Variants in PARD3B observed in about 807,000 individuals in gnomAD.
PARD3B encodes the protein partitioning defective 3 homolog B.
In PARD3B, 103 loss-of-function variants were observed where a neutral mutation model predicts 130.2. That is an observed-to-expected ratio of 0.79 (90% CI 0.67 to 0.93). PARD3B has a LOEUF of 0.93. Ranked by LOEUF, PARD3B falls within the 40% of genes least tolerant of loss-of-function variation. PARD3B has a pLI of 0.00. For missense variants in PARD3B, 1,609 were observed against 1,499.2 expected, an observed-to-expected ratio of 1.07 and a Z score of -1.21; for synonymous variants, 583 against 553.2, an observed-to-expected ratio of 1.05 and a Z score of -0.76.
intron 3 of PARD3B, among the ~76,000 whole-genome samples, chr2:205,042,816 A>C (rs907982327): frequency 6.6e-6 from 1 of 151,554 alleles, no homozygotes; most frequent in African/African-American, 2.4e-5. Flanking sequence ...GCTGATCTTA[A>C]TATCCTCATC....
At chr2:205,337,310 T>TA (rs1245213750) in intron 18 of PARD3B, among the ~76,000 whole-genome samples, 11 of 152,232 alleles carry the variant, frequency 7.2e-5, no homozygotes, top group Non-Finnish European at 1.2e-4. Flanking sequence ...TTAGCATACT[T>TA]ACATCTTCTT....
In PARD3B at chr2:205,474,000, A is replaced by G. The variant is rs1176654768; in HGVS notation, c.3045-25896A>G. ...TGGGTCATAAAGCACTGTCATATAC[A>G]TGTTCTTATTTCATCTTCACCACAA... On this transcript the variant is annotated intron_variant, in intron 20 of 22. Coordinates refer to ENST00000406610, the MANE Select transcript of PARD3B (RefSeq NM_001302769.2). This position sits in a 1 kb window ranked among gnomAD's most constrained non-coding sequence, Gnocchi z 4.9. Among the ~76,000 whole-genome samples the G allele has an allele frequency of 6.6e-6, 1 of 151,652 alleles. No individual in the cohort carries two copies. Among genetic ancestry groups the G allele is most frequent in the Non-Finnish European group, 1.5e-5 (1 of 67,860 alleles).
intron 16 of PARD3B, among the ~76,000 whole-genome samples, chr2:205,264,506 T>C (rs1235594641): frequency 6.6e-6 from 1 of 151,190 alleles, no homozygotes; most frequent in Non-Finnish European, 1.5e-5. Flanking sequence ...TATATATTTA[T>C]ATTTACAGAG....
At chr2:204,877,963 T>C (rs973115188) in intron 2 of PARD3B, among the ~76,000 whole-genome samples, 19 of 152,242 alleles carry the variant, frequency 1.2e-4, no homozygotes, top group African/African-American at 4.3e-4. Flanking sequence ...TTAGTTTCAA[T>C]TTCCTGCCAA....
At chr2:204,880,264 C>T (rs1397798949) in intron 2 of PARD3B, among the ~76,000 whole-genome samples, 1 of 151,960 alleles carries the variant, frequency 6.6e-6, no homozygotes, top group African/African-American at 2.4e-5. Flanking sequence ...GACTAATTGC[C>T]AGAAGTTTCA....
chr2:204,719,966 G>A (rs1281046201), intron 2 of PARD3B, among the ~76,000 whole-genome samples: 1 of 152,128 alleles, frequency 6.6e-6, no homozygotes, highest in Non-Finnish European at 1.5e-5. Context: ...TTGAGTAAGA[G>A]TTTTGCTTAA....
intron 21 of PARD3B, among the ~76,000 whole-genome samples, chr2:205,515,462 C>T (rs2050756744): frequency 6.6e-6 from 1 of 150,532 alleles, no homozygotes; most frequent in South Asian, 2.2e-4. Context: ...CTCTCACCAA[C>T]AGTGTATGAG....
chr2:205,531,341 A>G (rs1171481611), intron 21 of PARD3B, among the ~76,000 whole-genome samples: 1 of 152,188 alleles, frequency 6.6e-6, no homozygotes. Context: ...ATTGAGCTGG[A>G]CAAAGGAAAC....
intron 2 of PARD3B, among the ~76,000 whole-genome samples, chr2:204,698,461 C>G (rs1472331357): frequency 6.6e-6 from 1 of 151,896 alleles, no homozygotes; most frequent in African/African-American, 2.4e-5. Context: ...CTTAGATTTA[C>G]TAGGCAAGAT....
intron 3 of PARD3B, among the ~76,000 whole-genome samples, chr2:205,004,137 G>C (rs1695065743): frequency 6.6e-6 from 1 of 152,168 alleles, no homozygotes; most frequent in African/African-American, 2.4e-5. Context: ...TTCTTATTCA[G>C]AGTTGGGGTA....
rs979020734 is a variant in PARD3B, at chr2:204,798,520, A to G, written c.222+112238A>G. Among the ~76,000 whole-genome samples the G allele has an allele frequency of 4.6e-5, 7 of 152,210 alleles. 1 individual carries two copies. The highest frequency in any genetic ancestry group is 8.8e-5 in the Non-Finnish European group (6 of 68,004). On this transcript the variant is annotated intron_variant, in intron 2 of 22. Coordinates refer to ENST00000406610, the MANE Select transcript of PARD3B (RefSeq NM_001302769.2). The stretch of plus-strand genomic sequence containing the variant: ...GATGTGCTGGGTTCAGAGTCAGTGG[A>G]ATTGGAGGCGCAGGCCACCTACGGA...
At chr2:204,774,486 G>A (rs181770571) in intron 2 of PARD3B, among the ~76,000 whole-genome samples, 5 of 152,062 alleles carry the variant, frequency 3.3e-5, no homozygotes, top group Non-Finnish European at 7.4e-5. Context: ...CTCAGCAAAT[G>A]CTGGTTATTT....
At chr2:205,124,760 T>G (rs1043772033) in intron 9 of PARD3B, among the ~76,000 whole-genome samples, 1 of 152,182 alleles carries the variant, frequency 6.6e-6, no homozygotes, top group Non-Finnish European at 1.5e-5. Context: ...AAATTTGGAT[T>G]GAATCTAAGA....
chr2:205,094,513 A>AT lies in PARD3B; in HGVS notation c.505-9903dup, dbSNP rs200782423. ...CAGTTTTGGCTTCCTAAATTTTGAG[A>AT]TTTTTTTTTTCTAAATGTACTACCA... is the stretch of plus-strand genomic sequence containing the variant. On this transcript the variant is annotated intron_variant, in intron 4 of 22. Transcript: ENST00000406610. Among the ~76,000 whole-genome samples the AT allele has an allele frequency of 9.3e-4, 140 of 150,948 alleles. 2 individuals are homozygous for AT. The East Asian group carries it at 0.015, about 16-fold the overall frequency.
intron 22 of PARD3B, among the ~76,000 whole-genome samples, chr2:205,570,111 G>A (rs962526731): frequency 7.2e-5 from 11 of 152,316 alleles, no homozygotes; most frequent in Admixed American, 2.0e-4. Flanking sequence ...TGGCTAAGCC[G>A]AAAGGAACTA....
intron 19 of PARD3B, among the ~76,000 whole-genome samples, chr2:205,434,324 ATAG>A (rs2047436505): frequency 6.6e-6 from 1 of 152,150 alleles, no homozygotes; most frequent in South Asian, 2.1e-4. Context: ...GTCTCCCTTG[ATAG>A]TAAGTCAGAG....
At chr2:204,779,427 T>C (rs2041759516) in intron 2 of PARD3B, among the ~76,000 whole-genome samples, 1 of 152,184 alleles carries the variant, frequency 6.6e-6, no homozygotes, top group African/African-American at 2.4e-5. Context: ...TAGTGAGCTG[T>C]CTACTCACTA....
intron 20 of PARD3B, among the ~76,000 whole-genome samples, chr2:205,462,505 G>A (rs1345292117): frequency 6.6e-6 from 1 of 152,154 alleles, no homozygotes; most frequent in Non-Finnish European, 1.5e-5. Flanking sequence ...CGTGTCTGAG[G>A]AATTCAGAGG....
At chr2:204,579,080 A>G (rs574598336) in intron 1 of PARD3B, among the ~76,000 whole-genome samples, 16 of 152,080 alleles carry the variant, frequency 1.1e-4, no homozygotes, top group African/African-American at 3.6e-4. Flanking sequence ...AAGTGTGGCC[A>G]CTTTAGGGCA....
Sources: allele counts gnomAD v4.1 joint callset (sites outside exome capture counted in the v4.1 genomes callset), GRCh38; gene constraint gnomAD v4.1.1; non-coding constraint Gnocchi (gnomAD v3.1); transcripts MANE v1.5; gene names NCBI Gene and HGNC (gene_info 2026-07-23, HGNC 2026-07-21).